ZBTB7C: variants seen among roughly 807,000 people sequenced by gnomAD.
ZBTB7C encodes the protein zinc finger and BTB domain containing 7C, also known as zinc finger and BTB domain-containing protein 7C.
A neutral mutation model predicts 25.7 loss-of-function variants in ZBTB7C; 8 were observed. The ratio of observed to expected loss-of-function variants is 0.31; its 90% CI spans 0.18 to 0.56. The LOEUF (loss-of-function observed/expected upper bound fraction) is 0.56, where lower values mean the gene tolerates loss of function less well. Among genes scored for constraint, ZBTB7C ranks in the 20% least tolerant of loss-of-function variants. The pLI, the probability that ZBTB7C is intolerant of heterozygous loss-of-function variation, is 0.91. For synonymous variants in ZBTB7C, 394 were observed against 369.0 expected, an observed-to-expected ratio of 1.07 and a Z score of -0.78; for missense variants, 824 against 855.2, an observed-to-expected ratio of 0.96 and a Z score of 0.46.
At chr18:48,301,846 C>T (rs2045552376) in intron 2 of ZBTB7C, among the ~76,000 whole-genome samples, 1 of 152,164 alleles carries the variant, frequency 6.6e-6, no homozygotes, top group Non-Finnish European at 1.5e-5. Context: ...CTCACCATAG[C>T]TCCCCAGGGC....
At chr18:48,260,102 G>A (rs1353523078) in intron 2 of ZBTB7C, among the ~76,000 whole-genome samples, 1 of 152,158 alleles carries the variant, frequency 6.6e-6, no homozygotes, top group Non-Finnish European at 1.5e-5. Flanking sequence ...ACTGGAAACA[G>A]CCCAAATGTC....
At position 48,338,254 on chromosome 18, in the gene ZBTB7C, G is replaced by C. The variant is rs1393373019; in HGVS notation, c.-159C>G. 6.6e-6 allele frequency: 1 copy of C among 152,142 alleles called. No individual in the cohort carries two copies. The highest frequency in any genetic ancestry group is 1.5e-5 in the Non-Finnish European group (1 of 68,064). The allele number at this position is 152,142 out of a possible 1,614,324, so 9.4% of individuals were successfully genotyped here. ...TCTCCCCAGCAGTGCAGCCCCAAAC[G>C]CCCAGGCTCCAGGTCTAATGGGCGT... On this transcript the variant is annotated 5_prime_UTR_variant, in exon 2 of 5. Coordinates refer to ENST00000590800, the MANE Select transcript of ZBTB7C (RefSeq NM_001318841.2).
At chr18:48,171,404 C>T (rs566105730) in intron 3 of ZBTB7C, among the ~76,000 whole-genome samples, 2 of 152,342 alleles carry the variant, frequency 1.3e-5, no homozygotes, top group Admixed American at 1.3e-4. Context: ...TTCCAGCCCT[C>T]ACTTCCCCTA....
intron 2 of ZBTB7C, among the ~76,000 whole-genome samples, chr18:48,230,561 G>C (rs1046865689): frequency 1.3e-5 from 2 of 152,154 alleles, no homozygotes; most frequent in African/African-American, 4.8e-5. Flanking sequence ...GGCCATAATT[G>C]GTGCTCAGCT....
chr18:48,284,103 C>T (rs2044956193), intron 2 of ZBTB7C, among the ~76,000 whole-genome samples: 1 of 151,798 alleles, frequency 6.6e-6, no homozygotes, highest in Non-Finnish European at 1.5e-5. Context: ...GCCGAGATTG[C>T]ACCACTGCAC....
intron 2 of ZBTB7C, among the ~76,000 whole-genome samples, chr18:48,276,446 C>A (rs1485113534): frequency 3.8e-5 from 4 of 104,980 alleles, no homozygotes; most frequent in Non-Finnish European, 5.7e-5. Flanking sequence ...GCTATCCCTC[C>A]CCCCTCCCCC....
chr18:48,213,539 T>C (rs950654696), intron 2 of ZBTB7C, among the ~76,000 whole-genome samples: 1 of 152,236 alleles, frequency 6.6e-6, no homozygotes, highest in Non-Finnish European at 1.5e-5. Context: ...ATCTGTGTTA[T>C]CAGAATACCT....
intron 3 of ZBTB7C, among the ~76,000 whole-genome samples, chr18:48,144,294 T>C (rs967349592): frequency 5.9e-5 from 9 of 152,162 alleles, no homozygotes; most frequent in Admixed American, 3.3e-4. Flanking sequence ...AAAAAATTTT[T>C]TTTTTCTTAG....
intron 4 of ZBTB7C, among the ~76,000 whole-genome samples, chr18:48,038,617 C>A (rs1294695939): frequency 6.6e-6 from 1 of 150,776 alleles, no homozygotes; most frequent in Non-Finnish European, 1.5e-5. Context: ...CACAACCTTG[C>A]ACTGTGTCCT....
At position 48,029,215 on chromosome 18, in the gene ZBTB7C, G is replaced by T; in HGVS notation, c.*45C>A. ...GGGTAGGGTAGAGTGGGCCTGGAGG[G>T]AGAAGGACTGGAGGGCTGGTGGGCT... On this transcript the variant is annotated 3_prime_UTR_variant, in exon 5 of 5. Transcript: ENST00000590800. The T allele has an allele frequency of 6.6e-7, 1 of 1,506,556 alleles. No homozygotes were observed. The highest frequency in any genetic ancestry group is 1.3e-5 in the South Asian group (1 of 79,600). The allele number at this position is 1,506,556 out of a possible 1,614,324, so 93.3% of individuals were successfully genotyped here. A position where few individuals can be genotyped will look rare whatever the true frequency, so the allele number is the denominator to read the frequency against.
chr18:48,052,755 G>A (rs1286537723), intron 3 of ZBTB7C, among the ~76,000 whole-genome samples: 3 of 152,186 alleles, frequency 2.0e-5, no homozygotes, highest in Non-Finnish European at 4.4e-5. Context: ...ACCTTGAAGC[G>A]GCCGGGTCCC....
chr18:48,236,516 G>A (rs1349381561), intron 2 of ZBTB7C, among the ~76,000 whole-genome samples: 2 of 152,212 alleles, frequency 1.3e-5, no homozygotes, highest in African/African-American at 2.4e-5. Context: ...TCAGGATTTC[G>A]TTTGAGCTGG....
At chr18:48,222,188 C>T (rs919007051) in intron 2 of ZBTB7C, among the ~76,000 whole-genome samples, 2 of 151,414 alleles carry the variant, frequency 1.3e-5, no homozygotes, top group African/African-American at 4.8e-5. Flanking sequence ...GTCCCTGCTG[C>T]ACCCTCCCTA....
chr18:48,275,749 T>C (rs1337422115), intron 2 of ZBTB7C, among the ~76,000 whole-genome samples: 1 of 152,202 alleles, frequency 6.6e-6, no homozygotes, highest in East Asian at 1.9e-4. Context: ...CACAGAACAG[T>C]TCTGAAGTGC....
intron 2 of ZBTB7C, among the ~76,000 whole-genome samples, chr18:48,227,019 C>CAAAAAAAAAAAAAAAAAAAAAAAAAAAA (rs1187830776): frequency 1.8e-5 from 1 of 56,122 alleles, no homozygotes; most frequent in Non-Finnish European, 3.7e-5. Flanking sequence ...GACTCCATCT[C>CAAAAAAAAAAAAAAAAAAAAAAAAAAAA]AAAAAAAAAA....
intron 2 of ZBTB7C, among the ~76,000 whole-genome samples, chr18:48,328,033 T>C (rs961936837): frequency 1.3e-5 from 2 of 151,434 alleles, no homozygotes; most frequent in East Asian, 3.9e-4. Context: ...ACGGTGAAAA[T>C]TAGCCGGGCG....
At chr18:48,206,777 A>G (rs1319801141) in intron 2 of ZBTB7C, among the ~76,000 whole-genome samples, 1 of 152,212 alleles carries the variant, frequency 6.6e-6, no homozygotes, top group African/African-American at 2.4e-5. Flanking sequence ...ACCCCTGGAG[A>G]ATATATGTTT....
At chr18:48,405,779 G>T (rs574419837) in intron 1 of ZBTB7C, among the ~76,000 whole-genome samples, 1 of 148,868 alleles carries the variant, frequency 6.7e-6, no homozygotes, top group South Asian at 2.2e-4. Flanking sequence ...ACAGGCCGGG[G>T]TTCACTCCTG....
intron 1 of ZBTB7C, among the ~76,000 whole-genome samples, chr18:48,387,284 G>C (rs948001775): frequency 3.9e-5 from 6 of 152,198 alleles, no homozygotes; most frequent in Non-Finnish European, 5.9e-5. Context: ...GAAAGGTAAA[G>C]TGTGCCGAAT....
Sources: allele counts gnomAD v4.1 joint callset (sites outside exome capture counted in the v4.1 genomes callset), GRCh38; gene constraint gnomAD v4.1.1; transcripts MANE v1.5; gene names NCBI Gene and HGNC (gene_info 2026-07-23, HGNC 2026-07-21).